ACER1: variants seen among roughly 807,000 people sequenced by gnomAD.
ACER1 encodes alkaline ceramidase 1.
ACER1 carries 28 observed loss-of-function variants against 24.9 expected under a neutral mutation model. The observed-to-expected ratio is 1.13, with a 90% CI of 0.83 to 1.54. The LOEUF (loss-of-function observed/expected upper bound fraction) is 1.54, where lower values mean the gene tolerates loss of function less well. ACER1 is among the 40% of genes most tolerant of loss of function. The pLI, the probability that ACER1 is intolerant of heterozygous loss-of-function variation, is 0.00. For synonymous variants in ACER1, 132 were observed against 131.4 expected (o/e 1.00, Z -0.03); for missense variants, 352 against 349.3 (o/e 1.01, Z -0.06).
At chr19:6,319,598 T>C (rs1384518802) in intron 1 of ACER1, among the ~76,000 whole-genome samples, 3 of 152,076 alleles carry the variant, frequency 2.0e-5, no homozygotes, top group Admixed American at 1.3e-4. Flanking sequence ...GAAAACAAAG[T>C]CCCTGCCTTC....
At chr19:6,328,944 G>A (rs904317672) in intron 1 of ACER1, among the ~76,000 whole-genome samples, 1 of 151,808 alleles carries the variant, frequency 6.6e-6, no homozygotes, top group Admixed American at 6.6e-5. Flanking sequence ...CAAAGTGCTG[G>A]GATTACATGT....
the ACER1 span, among the ~76,000 whole-genome samples, chr19:6,348,839 T>G: frequency 6.6e-6 from 1 of 151,602 alleles, no homozygotes. Flanking sequence ...GGGTGGATCA[T>G]GAGATCAGGA....
chr19:6,346,816 A>G, the ACER1 span, among the ~76,000 whole-genome samples: 1 of 151,454 alleles, frequency 6.6e-6, no homozygotes, highest in Non-Finnish European at 1.5e-5. Context: ...ATTTTCTTCA[A>G]CATCACAGCG....
chr19:6,311,926 T>C (rs1243245032), intron 3 of ACER1, among the ~76,000 whole-genome samples: 1 of 151,822 alleles, frequency 6.6e-6, no homozygotes, highest in Non-Finnish European at 1.5e-5. Flanking sequence ...CAAAGTAGGA[T>C]CAAGGGAGGG....
chr19:6,333,674 G>A, upstream of ACER1: 1 of 763,050 alleles, frequency 1.3e-6, no homozygotes, highest in Non-Finnish European at 2.1e-6. Flanking sequence ...AGACTGGGAG[G>A]AAAAACCTGC....
At chr19:6,335,027 A>T (rs1004970070), upstream of ACER1, among the ~76,000 whole-genome samples, 8 of 145,720 alleles carry the variant, frequency 5.5e-5, no homozygotes, top group Non-Finnish European at 1.1e-4. Context: ...TAATATAATT[A>T]TTTATTATAT....
At chr19:6,314,774 G>T (rs1287627858) in intron 1 of ACER1, among the ~76,000 whole-genome samples, 1 of 152,036 alleles carries the variant, frequency 6.6e-6, no homozygotes, top group Non-Finnish European at 1.5e-5. Flanking sequence ...AAATATACCT[G>T]CGTTCATATG....
upstream of ACER1, among the ~76,000 whole-genome samples, chr19:6,335,105 A>ATAT (rs540389596): frequency 0.049 from 7,211 of 146,734 alleles, 272 homozygotes; most frequent in African/African-American, 0.1. Flanking sequence ...AATATTTTAA[A>ATAT]TATTTTAGTA....
chr19:6,341,593 C>A, the ACER1 span, among the ~76,000 whole-genome samples: 6 of 146,424 alleles, frequency 4.1e-5, no homozygotes, highest in Non-Finnish European at 9.1e-5. Flanking sequence ...TAGCATTGGG[C>A]TTTTTTTTGT....
chr19:6,314,126 T>A (rs891227673), intron 1 of ACER1, among the ~76,000 whole-genome samples: 1 of 99,306 alleles, frequency 1.0e-5, no homozygotes, highest in Non-Finnish European at 2.0e-5. Context: ...ATATTGTGAA[T>A]ATATATATAT....
At chr19:6,355,235 C>T in the ACER1 span, among the ~76,000 whole-genome samples, 62 of 152,004 alleles carry the variant, frequency 4.1e-4, no homozygotes, top group African/African-American at 1.4e-3. Context: ...AGCCTCTGCC[C>T]GGCCGCCACC....
In ACER1 at chr19:6,306,819, G is replaced by A. The variant is rs1254787504; in HGVS notation, c.690C>T (p.Asn230=). ...TGAGGGTTTCACCTGGCATCTCATA[G>A]TTGGCATCCACCAAGGCCATGGTGA... The part of the protein sequence containing the change: ...GMVTMALVDA[N]YEMPGETLKV... The change falls in exon 6 of 6, where the codon AAC becomes AAT. Residue 230 remains asparagine, a synonymous_variant. Coordinates refer to ENST00000301452, the MANE Select transcript of ACER1 (RefSeq NM_133492.3). 1 of 1,614,198 alleles carries A rather than the reference G, an allele frequency of 6.2e-7. No individual in the cohort carries two copies. Among genetic ancestry groups the A allele is most frequent in the East Asian group, 2.2e-5 (1 of 44,878 alleles).
intron 1 of ACER1, among the ~76,000 whole-genome samples, chr19:6,318,166 A>G (rs1281356748): frequency 6.6e-6 from 1 of 151,792 alleles, no homozygotes; most frequent in Non-Finnish European, 1.5e-5. Context: ...AAAAAACAAA[A>G]AAAAAGTACA....
At chr19:6,347,109 A>AAAAAAATATAT in the ACER1 span, among the ~76,000 whole-genome samples, 119 of 113,746 alleles carry the variant, frequency 1.0e-3, 1 homozygote, top group East Asian at 3.6e-3. Context: ...AAAAAAAAAA[A>AAAAAAATATAT]ATATATATAT....
chr19:6,306,813 C>T lies in ACER1; in HGVS notation c.696G>A (p.Glu232=). The part of the protein sequence containing the change: ...VTMALVDANY[E]MPGETLKVRY... ...GGACTTTGAGGGTTTCACCTGGCAT[C>T]TCATAGTTGGCATCCACCAAGGCCA... Residue 232 remains glutamate, a synonymous_variant, in exon 6 of 6, where the codon GAG becomes GAA. Coordinates refer to ENST00000301452, the MANE Select transcript of ACER1 (RefSeq NM_133492.3). 1 of 1,614,188 alleles carries T rather than the reference C, an allele frequency of 6.2e-7. No homozygotes were observed. Among genetic ancestry groups the T allele is most frequent in the East Asian group, 2.2e-5 (1 of 44,880 alleles).
chr19:6,325,349 T>C (rs2091655942), intron 1 of ACER1, among the ~76,000 whole-genome samples: 1 of 152,130 alleles, frequency 6.6e-6, no homozygotes, highest in Non-Finnish European at 1.5e-5. Context: ...TGCCAGGCTG[T>C]GCTGTTCCAC....
chr19:6,311,843 C>T (rs970925704), intron 3 of ACER1, among the ~76,000 whole-genome samples: 2 of 151,482 alleles, frequency 1.3e-5, no homozygotes, highest in African/African-American at 4.9e-5. Flanking sequence ...TCCCTCAGGC[C>T]CAGGTAAGTG....
the ACER1 span, among the ~76,000 whole-genome samples, chr19:6,358,189 C>T: frequency 1.8e-4 from 28 of 152,242 alleles, no homozygotes; most frequent in African/African-American, 6.5e-4. Context: ...CTCCTACCTC[C>T]TCAATCCCAG....
Position 6,307,257 on chromosome 19 carries a change from C to T in ACER1, c.522G>A (p.Glu174=), listed in dbSNP as rs756235967. Residue 174 remains glutamate, a synonymous_variant, in exon 5 of 6, where the codon GAG becomes GAA. Coordinates refer to ENST00000301452, the MANE Select transcript of ACER1 (RefSeq NM_133492.3). Reference sequence around the variant, plus strand: ...CAACAGCCCATAAAACCACGGAGACCTCAATCAGGTGCCGAAGCTCCTTAT... The same window carrying T: ...CAACAGCCCATAAAACCACGGAGACTTCAATCAGGTGCCGAAGCTCCTTAT... ...TSNKELRHLI[E]VSVVLWAVAL... is the part of the protein sequence containing the mutation. 6.2e-6 allele frequency: 10 copies of T among 1,613,954 alleles called. No individual in the cohort carries two copies. Among genetic ancestry groups the T allele is most frequent in the Non-Finnish European group, 8.5e-6 (10 of 1,180,024 alleles).
Sources: allele counts gnomAD v4.1 joint callset (sites outside exome capture counted in the v4.1 genomes callset), GRCh38; gene constraint gnomAD v4.1.1; transcripts MANE v1.5; gene names NCBI Gene and HGNC (gene_info 2026-07-23, HGNC 2026-07-21).